Variants in FRK observed in about 807,000 individuals in gnomAD.
The protein encoded by FRK is fyn related Src family tyrosine kinase, also known as tyrosine-protein kinase FRK.
In FRK, 51 loss-of-function variants were observed where a neutral mutation model predicts 56.4. That is an observed-to-expected ratio of 0.90 (90% confidence interval 0.72 to 1.14). The LOEUF is 1.14. Ranked by LOEUF, FRK falls within the 50% of genes most tolerant of loss-of-function variation. FRK has a pLI of 0.00. For missense variants in FRK, 570 were observed against 601.4 expected (o/e 0.95, Z 0.55); for synonymous variants, 245 against 217.9 (o/e 1.12, Z -1.10).
intron 4 of FRK, among the ~76,000 whole-genome samples, chr6:115,966,534 G>C (rs1416024626): frequency 6.6e-6 from 1 of 152,166 alleles, no homozygotes; most frequent in Admixed American, 6.5e-5. Flanking sequence ...GTTACCCTAT[G>C]CTGCTAGCCA....
chr6:115,946,686 G>A (rs1355617626), intron 5 of FRK, among the ~76,000 whole-genome samples: 1 of 152,172 alleles, frequency 6.6e-6, no homozygotes. Flanking sequence ...GGAAATGACA[G>A]AGAAACACCA....
At chr6:116,092,605 T>A in the FRK span, among the ~76,000 whole-genome samples, 213 of 152,174 alleles carry the variant, frequency 1.4e-3, 1 homozygote, top group African/African-American at 5.0e-3. Flanking sequence ...CTCCCTGTGG[T>A]GTAGGAGGAA....
At chr6:116,098,100 C>CT in the FRK span, among the ~76,000 whole-genome samples, 27,231 of 84,186 alleles carry the variant, frequency 0.32, 8,080 homozygotes, top group East Asian at 0.72. Context: ...TTACAGACAG[C>CT]TTTTTTTTTT....
chr6:116,082,324 G>A, the FRK span, among the ~76,000 whole-genome samples: 2 of 152,194 alleles, frequency 1.3e-5, no homozygotes, highest in Non-Finnish European at 2.9e-5. Flanking sequence ...GATATAAACA[G>A]AAGGCAAAAT....
intron 1 of FRK, among the ~76,000 whole-genome samples, chr6:116,053,743 T>A (rs921891053): frequency 6.6e-6 from 1 of 152,078 alleles, no homozygotes; most frequent in Non-Finnish European, 1.5e-5. Context: ...AAAGCAAAAA[T>A]AATCAATACT....
intron 1 of FRK, among the ~76,000 whole-genome samples, chr6:116,042,139 G>A (rs1776744516): frequency 6.6e-6 from 1 of 152,132 alleles, no homozygotes. Context: ...CAGGAAGTTC[G>A]AACTAGGCAG....
chr6:116,031,434 A>G (rs563852648), intron 1 of FRK, among the ~76,000 whole-genome samples: 171 of 152,302 alleles, frequency 1.1e-3, no homozygotes, highest in Non-Finnish European at 2.0e-3. Flanking sequence ...AGTGAATTTC[A>G]GAGAGGAGGA....
At chr6:116,001,301 G>A (rs150641964) in intron 2 of FRK, among the ~76,000 whole-genome samples, 5 of 151,402 alleles carry the variant, frequency 3.3e-5, no homozygotes, top group African/African-American at 1.2e-4. Flanking sequence ...ATGCATACAT[G>A]CATGCACACA....
intron 1 of FRK, among the ~76,000 whole-genome samples, chr6:116,016,333 T>C (rs938054531): frequency 9.9e-5 from 15 of 152,198 alleles, no homozygotes; most frequent in African/African-American, 3.6e-4. Flanking sequence ...CTGTTCCTTA[T>C]TTGAATGTTC....
intron 1 of FRK, chr6:116,038,994 G>A (rs1776605071): frequency 1.4e-6 from 1 of 721,192 alleles, no homozygotes; most frequent in Admixed American, 1.8e-5. Flanking sequence ...GATCAGCCCT[G>A]GCATGATCAA....
upstream of FRK, among the ~76,000 whole-genome samples, chr6:116,064,445 AAC>A (rs1400833193): frequency 3.3e-5 from 5 of 152,236 alleles, no homozygotes; most frequent in Non-Finnish European, 5.9e-5. Context: ...AAGAAAAAGA[AAC>A]AGTGTGGGAG....
chr6:116,002,425 T>C (rs562867168), intron 2 of FRK, among the ~76,000 whole-genome samples: 1 of 152,310 alleles, frequency 6.6e-6, no homozygotes, highest in East Asian at 1.9e-4. Context: ...GAGACCATCC[T>C]GGCCAACATG....
At chr6:115,959,598 A>C (rs1166445981) in intron 4 of FRK, among the ~76,000 whole-genome samples, 1 of 152,208 alleles carries the variant, frequency 6.6e-6, no homozygotes, top group Non-Finnish European at 1.5e-5. Flanking sequence ...CATCTGCCAG[A>C]TGAAAATGCT....
At chr6:116,069,384 C>A in the FRK span, among the ~76,000 whole-genome samples, 1 of 152,058 alleles carries the variant, frequency 6.6e-6, no homozygotes, top group African/African-American at 2.4e-5. Flanking sequence ...ACTCTATGTG[C>A]AAAGTAAGAT....
rs1772103885 is a variant in FRK, at chr6:115,939,031, A to G, written c.*3383T>C. The G allele has an allele frequency of 1.3e-5, 2 of 151,956 alleles. No homozygotes were observed. Among genetic ancestry groups the G allele is most frequent in the Admixed American group, 6.6e-5 (1 of 15,234 alleles). 9.4% of individuals were successfully genotyped at this position (151,956 alleles called of 1,614,324 possible). On this transcript the variant is annotated 3_prime_UTR_variant, in exon 8 of 8. Coordinates refer to ENST00000606080, the MANE Select transcript of FRK (RefSeq NM_002031.3). ...CTGGCAGAGACACAACAAAAAAAAA[A>G]AAAGAGAGAAAATTTCAGGCCAGTA...
chr6:116,006,949 C>T (rs143835497), intron 1 of FRK, among the ~76,000 whole-genome samples: 52 of 152,222 alleles, frequency 3.4e-4, no homozygotes, highest in East Asian at 3.9e-4. Context: ...TAAGAAAACA[C>T]GTTAGAAAAC....
intron 1 of FRK, among the ~76,000 whole-genome samples, chr6:116,031,299 A>G (rs1247980802): frequency 2.0e-5 from 3 of 152,174 alleles, no homozygotes; most frequent in Non-Finnish European, 4.4e-5. Flanking sequence ...TAAGCACATG[A>G]AAACTAAGAT....
intron 1 of FRK, among the ~76,000 whole-genome samples, chr6:116,041,028 C>A (rs934966873): frequency 3.3e-5 from 5 of 152,226 alleles, no homozygotes; most frequent in African/African-American, 1.2e-4. Context: ...ATTCTTTGGT[C>A]TCCACTAATT....
the FRK span, among the ~76,000 whole-genome samples, chr6:116,083,696 G>T: frequency 6.6e-6 from 1 of 152,182 alleles, no homozygotes; most frequent in Non-Finnish European, 1.5e-5. Context: ...AGGTACTACT[G>T]CTAGGAACCA....
Sources: gnomAD v4.1 joint callset for allele counts (sites outside exome capture counted in the v4.1 genomes callset) on GRCh38, gnomAD v4.1.1 for gene constraint, MANE v1.5 for transcripts, NCBI Gene and HGNC (gene_info 2026-07-23, HGNC 2026-07-21) for gene names.